The following MIB2 variants were observed in gnomAD, a reference collection of about 807,000 sequenced individuals.
MIB2 encodes E3 ubiquitin-protein ligase MIB2.
Under a neutral mutation model 96.6 loss-of-function variants are expected in MIB2, and 78 were observed. The observed-to-expected ratio is 0.81, with a 90% CI of 0.67 to 0.97. The LOEUF (loss-of-function observed/expected upper bound fraction) is 0.97, where lower values mean the gene tolerates loss of function less well. MIB2 is among the 50% of genes least tolerant of loss of function. The probability of loss-of-function intolerance (pLI) is 0.00; values close to 1 mark genes in which losing one functional copy is unlikely to be tolerated. For synonymous variants in MIB2, 820 were observed against 629.5 expected (o/e 1.30, Z -4.53); for missense variants, 1,543 against 1,424.0 (o/e 1.08, Z -1.35).
intron 2 of MIB2, among the ~76,000 whole-genome samples, chr1:1,620,992 G>A (rs980906999): frequency 2.0e-5 from 3 of 152,262 alleles, no homozygotes; most frequent in East Asian, 1.9e-4. Context: ...CGCAGTCAGC[G>A]CTGGGATGGC....
At position 1,615,626 on chromosome 1, in the gene MIB2, G is replaced by C. The variant is rs1419227291; in HGVS notation, c.-137G>C. 1 of 1,573,396 alleles carries C rather than the reference G, an allele frequency of 6.4e-7. No homozygotes were observed. Among genetic ancestry groups the C allele is most frequent in the Non-Finnish European group, 8.6e-7 (1 of 1,163,870 alleles). ...CTGGCGCGATGCGGGCCGTCCTCTC[G>C]GCTGATGGTGCGTGCGGGCGCGGAT... On this transcript the variant is annotated 5_prime_UTR_variant, in exon 1 of 20. Coordinates refer to ENST00000355826, the MANE Select transcript of MIB2 (RefSeq NM_001170687.4).
rs117366726 is a variant in MIB2 at position 1,622,887 on chromosome 1, C to T, written c.-22-544C>T. On this transcript the variant is annotated intron_variant, in intron 2 of 19. Coordinates refer to ENST00000355826, the MANE Select transcript of MIB2 (RefSeq NM_001170687.4). Reference sequence around the variant, plus strand: ...CTGGCCGATGCCTGCTGGTCTTGTACGGCGCCTGCATCGTGTTTGCCGTTT... The same window carrying T: ...CTGGCCGATGCCTGCTGGTCTTGTATGGCGCCTGCATCGTGTTTGCCGTTT... Among the ~76,000 whole-genome samples the T allele has an allele frequency of 1.2e-3, 190 of 152,304 alleles. 5 individuals carry two copies. In the East Asian group the frequency reaches 0.031, roughly 25 times the overall value.
Position 1,627,388 on chromosome 1 carries a change from G to A in MIB2, c.1467G>A (p.Ala489=), listed in dbSNP as rs367783462. Residue 489 remains alanine, a synonymous_variant, in exon 12 of 20, where the codon GCG becomes GCA. Transcript: ENST00000355826. ...TACGGCTGCTGCTACAAGCCAGGGC[G>A]GGCGTGGACCTGCCGGACGACGAGG... ...ELIRLLLQAR[A]GVDLPDDEGN... is the part of the protein sequence containing the mutation. 45 of 1,612,914 alleles carry A rather than the reference G, an allele frequency of 2.8e-5. No homozygotes were observed. Among genetic ancestry groups the A allele is most frequent in the African/African-American group, 1.7e-4 (13 of 74,928 alleles).
At chr1:1,621,779 A>G (rs533157151) in intron 2 of MIB2, among the ~76,000 whole-genome samples, 19 of 152,246 alleles carry the variant, frequency 1.2e-4, no homozygotes, top group South Asian at 1.2e-3. Context: ...CTGTGCTCCA[A>G]CTCGCAGCCG....
chr1:1,615,836 G>A (rs1643575901), intron 1 of MIB2: 12 of 1,250,456 alleles, frequency 9.6e-6, no homozygotes, highest in Admixed American at 4.5e-5. Flanking sequence ...TTGTGGTCCG[G>A]CCACCCGCGC....
In MIB2 at chr1:1,630,463, G is replaced by T; in HGVS notation, c.2801G>T (p.Gly934Val). ...QCGHGACAPC[G>V]SALSACPICR... ...GGCCACGGCGCATGCGCCCCCTGCG[G>T]CTCCGCGCTCAGCGCCTGCCCCATC... Residue 934 changes from glycine to valine, a missense_variant, in exon 20 of 20, where the codon GGC (glycine) becomes GTC (valine). Gly to Val is a moderately radical substitution (Grantham distance 109). Coordinates refer to ENST00000355826, the MANE Select transcript of MIB2 (RefSeq NM_001170687.4). The T allele has an allele frequency of 6.3e-7, 1 of 1,593,526 alleles. No homozygotes were observed.
upstream of MIB2, chr1:1,615,289 G>GC (rs1464609672): frequency 2.7e-5 from 36 of 1,329,538 alleles, no homozygotes; most frequent in Non-Finnish European, 3.5e-5. Context: ...TCGCTCCCAA[G>GC]CCCCCGTCTC....
Position 1,615,512 on chromosome 1 carries a change from C to A in MIB2, c.-251C>A. The A allele has an allele frequency of 1.3e-6, 2 of 1,530,056 alleles. No individual in the cohort carries two copies. Among genetic ancestry groups the A allele is most frequent in the Non-Finnish European group, 8.7e-7 (1 of 1,144,874 alleles). 94.8% of individuals were successfully genotyped at this position (1,530,056 alleles called of 1,614,324 possible). A position where few individuals can be genotyped will look rare whatever the true frequency, so the allele number is the denominator to read the frequency against. On this transcript the variant is annotated 5_prime_UTR_variant, in exon 1 of 20. Transcript: ENST00000355826. ...GCCCTGGGCTCCCGCCCTTCGGGTC[C>A]CACAGTTTCCAGCCGCCGCTCTCCT...
Position 1,623,791 on chromosome 1 carries a change from A to G in MIB2, c.265A>G (p.Ile89Val). ...ACCCCCAGGCGTCCGGCACCCCAACATCATCTGTGACTGCTGCAAGAAGCA... is the reference window on the plus strand; with the variant it reads ...ACCCCCAGGCGTCCGGCACCCCAACGTCATCTGTGACTGCTGCAAGAAGCA... ...NAQIGVRHPN[I>V]ICDCCKKHGL... is the part of the protein sequence containing the mutation. The change falls in exon 4 of 20, where the codon ATC becomes GTC. Residue 89 changes from isoleucine (I) to valine (V), a missense_variant. Coordinates refer to ENST00000355826, the MANE Select transcript of MIB2 (RefSeq NM_001170687.4). The G allele has an allele frequency of 6.2e-7, 1 of 1,605,768 alleles. No individual in the cohort carries two copies. Among genetic ancestry groups the G allele is most frequent in the Non-Finnish European group, 8.5e-7 (1 of 1,176,922 alleles).
At chr1:1,615,932 G>T in intron 1 of MIB2, 1 of 991,368 alleles carries the variant, frequency 1.0e-6, no homozygotes, top group Non-Finnish European at 1.2e-6. Flanking sequence ...GGCCGGGTGG[G>T]CTGCGGCGCG....
Position 1,626,527 on chromosome 1 carries a change from TCGGGGC to T in MIB2, c.973-114_973-109del, listed in dbSNP as rs200908623. ...CCTCTGGCAGTGCCTGGGGTCGGGG[TCGGGGC>T]CGGGGCCGAGTCAGGCCTGCCTGTC... On this transcript the variant is annotated intron_variant, in intron 8 of 19. Transcript: ENST00000355826. The surrounding 1 kb of genome is among the most constrained non-coding windows in gnomAD (Gnocchi z 5.3). The T allele has an allele frequency of 0.029, 23,770 of 809,632 alleles. 457 individuals are homozygous for T. Among genetic ancestry groups the T allele is most frequent in the Middle Eastern group, 0.063 (169 of 2,680 alleles). The allele number at this position is 809,632 out of a possible 1,614,324, so 50.2% of individuals were successfully genotyped here.
intron 4 of MIB2, 45 bp from the exon 5 acceptor site, chr1:1,624,750 A>G: frequency 6.4e-7 from 1 of 1,558,516 alleles, no homozygotes; most frequent in Non-Finnish European, 8.8e-7. Flanking sequence ...ATGGGAAGAG[A>G]TGGCGGTTTT....
At chr1:1,630,013 C>G (rs1417436755) in intron 19 of MIB2, among the ~76,000 whole-genome samples, 1 of 148,448 alleles carries the variant, frequency 6.7e-6, no homozygotes, top group Non-Finnish European at 1.5e-5. Flanking sequence ...ACAGCCCACC[C>G]AGAGCACCGC....
At position 1,629,715 on chromosome 1, in the gene MIB2, C is replaced by T. The variant is rs771725633; in HGVS notation, c.2629+11C>T. ...AGAAACTGCGCCCAGGTGGGTGAGG[C>T]TCTGCGCCCCCAACACGCCTCCTGC... On this transcript the variant is annotated intron_variant, in intron 19 of 19. Transcript: ENST00000355826. 9.5e-6 allele frequency: 15 copies of T among 1,579,826 alleles called. No individual in the cohort carries two copies. The highest frequency in any genetic ancestry group is 3.5e-5 in the South Asian group (3 of 86,050).
At chr1:1,622,721 AGTGCCTTGC>A (rs1018265118) in intron 2 of MIB2, among the ~76,000 whole-genome samples, 2 of 152,108 alleles carry the variant, frequency 1.3e-5, no homozygotes, top group African/African-American at 4.8e-5. Context: ...CTCTGTCGTG[AGTGCCTTGC>A]GTGGCCAGGG....
rs867554486 is a variant in MIB2 at position 1,629,643 on chromosome 1, C to T, written c.2568C>T (p.Cys856=). The T allele has an allele frequency of 1.3e-6, 2 of 1,593,698 alleles. No individual in the cohort carries two copies. The highest frequency in any genetic ancestry group is 8.5e-7 in the Non-Finnish European group (1 of 1,170,416). ...PCQHRTVCEE[C]ARRMKKCIRC... ...ACCGCGCTCTCCTCTTCGCAGAGTGCGCGCGCAGGATGAAGAAGTGCATCA... is the reference window on the plus strand; with the variant it reads ...ACCGCGCTCTCCTCTTCGCAGAGTGTGCGCGCAGGATGAAGAAGTGCATCA... Residue 856 remains cysteine (C), a synonymous_variant, in exon 19 of 20, where the codon TGC becomes TGT. Coordinates refer to ENST00000355826, the MANE Select transcript of MIB2 (RefSeq NM_001170687.4).
chr1:1,626,876 G>C lies in MIB2; in HGVS notation c.1117G>C (p.Asp373His), dbSNP rs1174244487. 3.1e-6 allele frequency: 5 copies of C among 1,605,240 alleles called. No homozygotes were observed. The highest frequency in any genetic ancestry group is 4.2e-6 in the Non-Finnish European group (5 of 1,179,624). The change falls in exon 10 of 20, where the codon GAC (aspartate) becomes CAC (histidine). Residue 373 changes from aspartate to histidine, a missense_variant. Coordinates refer to ENST00000355826, the MANE Select transcript of MIB2 (RefSeq NM_001170687.4). The surrounding 1 kb of genome is among the most constrained non-coding windows in gnomAD (Gnocchi z 5.3). ...RVGKVVKVFGDGNLRVAVAGQ... is the reference protein window; with the variant it reads ...RVGKVVKVFGHGNLRVAVAGQ... Reference sequence around the variant, plus strand: ...CGGGAAGGTGGTGAAAGTGTTTGGAGACGGGAACCTGCGTGTAGCAGTCGC... The same window carrying C: ...CGGGAAGGTGGTGAAAGTGTTTGGACACGGGAACCTGCGTGTAGCAGTCGC...
upstream of MIB2, chr1:1,615,479 G>A (rs936318845): frequency 1.6e-5 from 25 of 1,522,350 alleles, no homozygotes; most frequent in African/African-American, 2.8e-4. Context: ...GCGCTCCGGC[G>A]GGGGCGGGCC....
Position 1,630,540 on chromosome 1 carries a change from T to C in MIB2, c.*10T>C, listed in dbSNP as rs1276106074. 1.3e-6 allele frequency: 2 copies of C among 1,548,616 alleles called. No homozygotes were observed. Among genetic ancestry groups the C allele is most frequent in the African/African-American group, 2.8e-5 (2 of 71,650 alleles). On this transcript the variant is annotated 3_prime_UTR_variant, in exon 20 of 20. Coordinates refer to ENST00000355826, the MANE Select transcript of MIB2 (RefSeq NM_001170687.4). Reference sequence around the variant, plus strand: ...CCAGATCTTCGTGTGAGCCGCGCCGTCCGCCGCGCCCGAGCTGCCTTCGCG... The same window carrying C: ...CCAGATCTTCGTGTGAGCCGCGCCGCCCGCCGCGCCCGAGCTGCCTTCGCG...
Sources: allele counts gnomAD v4.1 joint callset (sites outside exome capture counted in the v4.1 genomes callset), GRCh38; gene constraint gnomAD v4.1.1; non-coding constraint Gnocchi (gnomAD v3.1); transcripts MANE v1.5; gene names NCBI Gene and HGNC (gene_info 2026-07-23, HGNC 2026-07-21).